The following WDR47 variants were observed in gnomAD, a reference collection of about 807,000 sequenced individuals.
The protein encoded by WDR47 is WD repeat domain 47.
WDR47 carries 32 observed loss-of-function variants against 97.2 expected under a neutral mutation model. That is an observed-to-expected ratio of 0.33 (90% confidence interval 0.25 to 0.44). WDR47 has a LOEUF of 0.44. WDR47 is among the 20% of genes least tolerant of loss of function. The probability of loss-of-function intolerance (pLI) is 1.00; values close to 1 mark genes in which losing one functional copy is unlikely to be tolerated. For synonymous variants in WDR47, 375 were observed against 373.5 expected (o/e 1.00, Z -0.05); for missense variants, 782 against 1,102.3 (o/e 0.71, Z 4.11).
At chr1:109,003,541 G>A (rs1288891394) in intron 6 of WDR47, among the ~76,000 whole-genome samples, 3 of 152,020 alleles carry the variant, frequency 2.0e-5, no homozygotes, top group Non-Finnish European at 4.4e-5. Flanking sequence ...TCACTCTGTC[G>A]CCCAGGCTGG....
chr1:108,985,387 T>C (rs1013580455), intron 10 of WDR47, among the ~76,000 whole-genome samples: 1 of 152,202 alleles, frequency 6.6e-6, no homozygotes, highest in African/African-American at 2.4e-5. Flanking sequence ...CCTCCTTAGA[T>C]CTCAACTTTA....
chr1:108,983,287 G>C lies in WDR47; in HGVS notation c.2090C>G (p.Ala697Gly), dbSNP rs1468423193. The C allele has an allele frequency of 6.2e-7, 1 of 1,604,032 alleles. No individual in the cohort carries two copies. The highest frequency in any genetic ancestry group is 8.5e-7 in the Non-Finnish European group (1 of 1,175,082). ...VLPFNAETCN[A>G]TGPDLEFSMH... The stretch of plus-strand genomic sequence containing the variant: ...CTTACATACTTGGGCCCTACCTGTT[G>C]CGTTACAAGTCTCTGCATTGAAGGG... Residue 697 changes from alanine (A) to glycine (G), a missense_variant, in exon 11 of 15, where the codon GCA (alanine) becomes GGA (glycine). Ala to Gly is a moderately conservative substitution (Grantham distance 60). Transcript: ENST00000369962.
intron 7 of WDR47, among the ~76,000 whole-genome samples, chr1:109,001,670 G>A (rs1041532680): frequency 3.9e-5 from 6 of 152,114 alleles, no homozygotes; most frequent in African/African-American, 1.2e-4. Flanking sequence ...TGGACGGATC[G>A]CTTGAGGCCA....
At position 109,041,911 on chromosome 1, in the gene WDR47, G is replaced by A. The variant is rs2102082916; in HGVS notation, c.-59C>T. On this transcript the variant is annotated 5_prime_UTR_variant, in exon 1 of 15. Transcript: ENST00000369962. The stretch of plus-strand genomic sequence containing the variant: ...AGGAGCGGCGGAGGAGAACGCGGCT[G>A]GGAGGCCGGCGGCCAGGGCCCCGAA... 6.5e-6 allele frequency: 1 copy of A among 152,750 alleles called. No homozygotes were observed. The highest frequency in any genetic ancestry group is 1.9e-4 in the East Asian group (1 of 5,194). 9.5% of individuals were successfully genotyped at this position (152,750 alleles called of 1,614,324 possible).
rs1661245595 is a variant in WDR47, at chr1:109,014,238, A to C, written c.243-313T>G. ...CCTTACATCCTGTTTTTTATTAAAA[A>C]AATTTTAACAAATAATAGTATATAT... On this transcript the variant is annotated intron_variant, in intron 3 of 14. Transcript: ENST00000369962. Among the ~76,000 whole-genome samples, 4 of 152,272 alleles carry C rather than the reference A, an allele frequency of 2.6e-5. No individual in the cohort carries two copies. In the South Asian group the frequency reaches 8.3e-4, roughly 32 times the overall value.
At chr1:108,978,335 T>C (rs1658084323) in intron 13 of WDR47, among the ~76,000 whole-genome samples, 1 of 151,812 alleles carries the variant, frequency 6.6e-6, no homozygotes. Context: ...AAAAATTAGC[T>C]GGGCATGGTA....
chr1:109,026,011 G>T (rs1031799258), intron 1 of WDR47, among the ~76,000 whole-genome samples: 1 of 151,760 alleles, frequency 6.6e-6, no homozygotes, highest in African/African-American at 2.4e-5. Flanking sequence ...TCCAAAAGAG[G>T]ATACGGTAAA....
chr1:109,027,610 G>A (rs1198885899), intron 1 of WDR47, among the ~76,000 whole-genome samples: 2 of 151,766 alleles, frequency 1.3e-5, no homozygotes, highest in Middle Eastern at 3.4e-3. Flanking sequence ...TGCAACCTCC[G>A]CCTCCCGGGT....
At chr1:108,981,945 G>A in intron 12 of WDR47, 81 bp from the exon 13 acceptor site, 2 of 1,470,984 alleles carry the variant, frequency 1.4e-6, no homozygotes, top group South Asian at 1.3e-5. Flanking sequence ...CTCTAGAGTT[G>A]GGCAAGGTGG....
Position 109,011,565 on chromosome 1 carries a change from G to T in WDR47, c.481C>A (p.Arg161=), listed in dbSNP as rs769385326. The T allele has an allele frequency of 6.2e-7, 1 of 1,614,134 alleles. No individual in the cohort carries two copies. The highest frequency in any genetic ancestry group is 8.5e-7 in the Non-Finnish European group (1 of 1,180,036). Residue 161 remains arginine, a synonymous_variant, in exon 5 of 15, where the codon CGA becomes AGA. Transcript: ENST00000369962. ...CAAGCCTCTTCAAAACAGTGAACTC[G>T]TGCGGTGCTGGGATTCCAGTCCTTA... ...EFKDWNPSTA[R]VHCFEEACVM...
chr1:109,024,143 C>T (rs1662041410), intron 1 of WDR47, among the ~76,000 whole-genome samples: 1 of 152,140 alleles, frequency 6.6e-6, no homozygotes, highest in South Asian at 2.1e-4. Context: ...CCAAACAAAA[C>T]AAGGTTAGTT....
At chr1:108,974,841 C>G in intron 13 of WDR47, 87 bp from the exon 14 acceptor site, 1 of 981,216 alleles carries the variant, frequency 1.0e-6, no homozygotes, top group Non-Finnish European at 1.5e-6. Flanking sequence ...GAACCATATA[C>G]TAAAGATTTA....
At chr1:108,995,530 C>G (rs904196764) in intron 8 of WDR47, 50 bp downstream of exon 8, 1 of 1,598,320 alleles carries the variant, frequency 6.3e-7, no homozygotes, top group Non-Finnish European at 8.5e-7. Flanking sequence ...AACCTTCTAA[C>G]CATTAGTAGT....
At chr1:108,989,828 G>C (rs967881704) in intron 9 of WDR47, among the ~76,000 whole-genome samples, 1 of 151,550 alleles carries the variant, frequency 6.6e-6, no homozygotes, top group African/African-American at 2.4e-5. Context: ...CCAAGTAGCT[G>C]GGATTACAGG....
intron 6 of WDR47, among the ~76,000 whole-genome samples, chr1:109,003,412 A>C (rs1048164408): frequency 6.6e-6 from 1 of 152,038 alleles, no homozygotes; most frequent in African/African-American, 2.4e-5. Context: ...GCATTGCTAT[A>C]AAGAAATATA....
chr1:109,025,009 A>C (rs1325462316), intron 1 of WDR47: 4 of 152,190 alleles, frequency 2.6e-5, no homozygotes, highest in African/African-American at 9.7e-5. Flanking sequence ...AAAACAAAAC[A>C]AAAAATATAT....
chr1:108,988,110 TGG>T (rs1309463529), intron 9 of WDR47, among the ~76,000 whole-genome samples: 1 of 147,924 alleles, frequency 6.8e-6, no homozygotes, highest in Non-Finnish European at 1.5e-5. Flanking sequence ...ACGGCTGTGG[TGG>T]TATGCACCTG....
At chr1:108,993,122 C>T (rs1283872976) in intron 8 of WDR47, among the ~76,000 whole-genome samples, 1 of 152,050 alleles carries the variant, frequency 6.6e-6, no homozygotes, top group Non-Finnish European at 1.5e-5. Context: ...AATCAACCAG[C>T]CTCGCCAACA....
Position 109,011,700 on chromosome 1 carries a change from C to T in WDR47, c.346G>A (p.Glu116Lys). ...AGAGCATGTAAACATTGCACAGCTTCTTGCATGGTAAATTCCAGCTGTAAG... is the reference window on the plus strand; with the variant it reads ...AGAGCATGTAAACATTGCACAGCTTTTTGCATGGTAAATTCCAGCTGTAAG... ...EPQHLEFTMQEAVQCLHALEE... is the reference protein window; with the variant it reads ...EPQHLEFTMQKAVQCLHALEE... The change falls in exon 5 of 15, where the codon GAA becomes AAA. Residue 116 changes from glutamate to lysine, a missense_variant. By Grantham distance (56) the Glu-to-Lys change is moderately conservative. This residue lies in a region of WDR47 where 428 missense variants were observed against 584.3 expected (regional missense o/e 0.73). Transcript: ENST00000369962. 1.3e-6 allele frequency: 2 copies of T among 1,589,616 alleles called. No individual in the cohort carries two copies. The highest frequency in any genetic ancestry group is 1.7e-6 in the Non-Finnish European group (2 of 1,166,564).
Sources: allele counts gnomAD v4.1 joint callset (sites outside exome capture counted in the v4.1 genomes callset), GRCh38; gene constraint gnomAD v4.1.1; regional missense constraint gnomAD v4.1.1; transcripts MANE v1.5; gene names NCBI Gene and HGNC (gene_info 2026-07-23, HGNC 2026-07-21).